The following NAV3 variants were observed in gnomAD, a reference collection of about 807,000 sequenced individuals.
The protein encoded by NAV3 is pore membrane and/or filament interacting like protein 1.
NAV3 carries 87 observed loss-of-function variants against 244.7 expected under a neutral mutation model. The observed-to-expected ratio is 0.36, with a 90% CI of 0.30 to 0.42. The LOEUF (loss-of-function observed/expected upper bound fraction) is 0.42, where lower values mean the gene tolerates loss of function less well. Ranked by LOEUF, NAV3 falls within the 20% of genes least tolerant of loss-of-function variation. The pLI, the probability that NAV3 is intolerant of heterozygous loss-of-function variation, is 1.00. For missense variants in NAV3, 2,663 were observed against 2,893.3 expected (o/e 0.92, Z 1.83); for synonymous variants, 1,126 against 1,042.2 (o/e 1.08, Z -1.55).
At chr12:77,643,456 C>A (rs1009205788) in intron 2 of NAV3, among the ~76,000 whole-genome samples, 8 of 151,526 alleles carry the variant, frequency 5.3e-5, no homozygotes, top group Non-Finnish European at 1.5e-5. Flanking sequence ...AACTTAAACT[C>A]ATATTTAGTA....
chr12:78,067,334 A>G (rs371620416), intron 12 of NAV3, among the ~76,000 whole-genome samples: 2 of 152,222 alleles, frequency 1.3e-5, no homozygotes, highest in South Asian at 2.1e-4. Flanking sequence ...ACTTCATTTT[A>G]TAATCAGATG....
intron 1 of NAV3, among the ~76,000 whole-genome samples, chr12:77,838,742 T>C (rs985330380): frequency 2.0e-5 from 3 of 152,218 alleles, no homozygotes; most frequent in African/African-American, 4.8e-5. Flanking sequence ...AATTTTGAAC[T>C]TGAAAGATTA....
intron 1 of NAV3, among the ~76,000 whole-genome samples, chr12:77,895,327 G>GTA (rs1455475401): frequency 2.0e-5 from 3 of 151,312 alleles, no homozygotes; most frequent in Admixed American, 6.6e-5. Context: ...GTGTGTGTGT[G>GTA]TGTGTGTGTG....
At chr12:77,958,570 T>C (rs895242644) in intron 3 of NAV3, among the ~76,000 whole-genome samples, 1 of 152,156 alleles carries the variant, frequency 6.6e-6, no homozygotes, top group Non-Finnish European at 1.5e-5. Context: ...TGTTTTTCTT[T>C]AGGGCATTAT....
chr12:77,659,786 AATG>A (rs1233605289), intron 2 of NAV3, among the ~76,000 whole-genome samples: 16 of 152,318 alleles, frequency 1.1e-4, no homozygotes, highest in African/African-American at 3.8e-4. Context: ...AGCCATAAAA[AATG>A]ATGAGTTCAT....
intron 2 of NAV3, among the ~76,000 whole-genome samples, chr12:77,753,894 T>G (rs1425167806): frequency 6.6e-6 from 1 of 152,188 alleles, no homozygotes. Flanking sequence ...GTCATTCTAC[T>G]CATGGTTTAC....
chr12:77,945,997 G>A (rs975153253), intron 3 of NAV3, among the ~76,000 whole-genome samples: 1 of 150,730 alleles, frequency 6.6e-6, no homozygotes, highest in African/African-American at 2.4e-5. Context: ...GACCTCAGGT[G>A]ATCCACCCAT....
chr12:78,209,338 C>G (rs957352415), intron 39 of NAV3, among the ~76,000 whole-genome samples: 4 of 135,328 alleles, frequency 3.0e-5, no homozygotes, highest in Non-Finnish European at 4.7e-5. Flanking sequence ...TTTCTCCTTT[C>G]TATTTCTGTA....
At chr12:77,723,755 C>CTTTCTTTT (rs1876746392) in intron 2 of NAV3, among the ~76,000 whole-genome samples, 1 of 67,648 alleles carries the variant, frequency 1.5e-5, no homozygotes, top group Non-Finnish European at 2.6e-5. Context: ...GCAATCTTGA[C>CTTTCTTTT]TTTTTTTTTT....
intron 2 of NAV3, among the ~76,000 whole-genome samples, chr12:77,574,920 A>G (rs1222547184): frequency 6.6e-6 from 1 of 151,898 alleles, no homozygotes; most frequent in African/African-American, 2.4e-5. Context: ...TGTCAGGAAC[A>G]TGCATGATAC....
chr12:77,696,862 A>C (rs1875327679), intron 2 of NAV3, among the ~76,000 whole-genome samples: 1 of 152,198 alleles, frequency 6.6e-6, no homozygotes, highest in African/African-American at 2.4e-5. Context: ...ACTTGGTTAA[A>C]GAGTTTGACT....
intron 1 of NAV3, among the ~76,000 whole-genome samples, chr12:77,879,737 C>A (rs1045865738): frequency 7.0e-6 from 1 of 142,400 alleles, no homozygotes; most frequent in Non-Finnish European, 1.5e-5. Context: ...ATAAAACTAT[C>A]TACAAGTACT....
At chr12:77,913,946 T>C (rs1225699382) in intron 1 of NAV3, among the ~76,000 whole-genome samples, 1 of 150,482 alleles carries the variant, frequency 6.6e-6, no homozygotes, top group Non-Finnish European at 1.5e-5. Context: ...GAGTGTAAAA[T>C]ATAGTTTCAT....
At chr12:77,924,273 T>C (rs998777897) in intron 1 of NAV3, among the ~76,000 whole-genome samples, 1 of 152,180 alleles carries the variant, frequency 6.6e-6, no homozygotes, top group African/African-American at 2.4e-5. Flanking sequence ...GGTTAGAGTA[T>C]ATTTTTGTGG....
At chr12:77,587,698 A>G (rs556188143) in intron 2 of NAV3, among the ~76,000 whole-genome samples, 155 of 152,378 alleles carry the variant, frequency 1.0e-3, no homozygotes, top group African/African-American at 3.6e-3. Flanking sequence ...ACATTCATTA[A>G]GAATGAAAGA....
intron 2 of NAV3, among the ~76,000 whole-genome samples, chr12:77,760,237 G>A (rs897641153): frequency 3.3e-5 from 5 of 152,156 alleles, no homozygotes; most frequent in Non-Finnish European, 7.3e-5. Context: ...TTTTTCAATT[G>A]TCAGGATTTT....
chr12:77,862,984 C>CT (rs1879470015), intron 1 of NAV3, among the ~76,000 whole-genome samples: 1 of 151,360 alleles, frequency 6.6e-6, no homozygotes, highest in Non-Finnish European at 1.5e-5. Context: ...CTATTAAACA[C>CT]TGCTAGTTAC....
Position 78,083,064 on chromosome 12 carries a change from C to A in NAV3, c.2636+23949C>A, listed in dbSNP as rs113173518. Among the ~76,000 whole-genome samples, 207 of 152,286 alleles carry A rather than the reference C, an allele frequency of 1.4e-3. 2 individuals carry two copies. The highest frequency in any genetic ancestry group is 4.3e-3 in the African/African-American group (177 of 41,554). On this transcript the variant is annotated intron_variant, in intron 12 of 39. Coordinates refer to ENST00000397909, the MANE Select transcript of NAV3 (RefSeq NM_001024383.2). ...ATTTATAAGGAAAAGAAATTCACAT[C>A]TTAGAGTTATGAAGGCTGAGAAGTT...
At chr12:78,176,572 G>T in intron 26 of NAV3, 113 bp downstream of exon 26, 1 of 947,840 alleles carries the variant, frequency 1.1e-6, no homozygotes, top group Non-Finnish European at 1.6e-6. Context: ...AGATTACCTT[G>T]TATGTCTTTT....
Sources: gnomAD v4.1 joint callset for allele counts (sites outside exome capture counted in the v4.1 genomes callset) on GRCh38, gnomAD v4.1.1 for gene constraint, MANE v1.5 for transcripts, NCBI Gene and HGNC (gene_info 2026-07-23, HGNC 2026-07-21) for gene names.